PLSCR1: variants seen among roughly 807,000 people sequenced by gnomAD.
The protein encoded by PLSCR1 is phospholipid scramblase 1, also known as PL scramblase 1.
In PLSCR1, 17 loss-of-function variants were observed where a neutral mutation model predicts 37.8. The observed-to-expected ratio is 0.45, with a 90% CI of 0.31 to 0.68. The LOEUF (loss-of-function observed/expected upper bound fraction) is 0.68, where lower values mean the gene tolerates loss of function less well. Ranked by LOEUF, PLSCR1 falls within the 30% of genes least tolerant of loss-of-function variation. PLSCR1 has a pLI of 0.06. For missense variants in PLSCR1, 347 were observed against 380.9 expected, an observed-to-expected ratio of 0.91 and a Z score of 0.74; for synonymous variants, 116 against 125.9, an observed-to-expected ratio of 0.92 and a Z score of 0.53.
intron 8 of PLSCR1, 82 bp from the exon 9 acceptor site, chr3:146,516,183 C>A: frequency 1.3e-6 from 1 of 782,980 alleles, no homozygotes; most frequent in Non-Finnish European, 2.2e-6. Context: ...ACTAAGGGAT[C>A]TAGTGAAACA....
chr3:146,543,932 C>G (rs140171421), intron 1 of PLSCR1, among the ~76,000 whole-genome samples: 4,184 of 152,170 alleles, frequency 0.027, 85 homozygotes, highest in Middle Eastern at 0.095. Flanking sequence ...CCGCCACTAT[C>G]TTTCCTAAGC....
Position 146,528,756 on chromosome 3 carries a change from C to A in PLSCR1, c.170G>T (p.Gly57Val). The A allele has an allele frequency of 6.2e-7, 1 of 1,614,164 alleles. No individual in the cohort carries two copies. The highest frequency in any genetic ancestry group is 1.3e-5 in the African/African-American group (1 of 75,040). ...ATTTGGGACAGGAAAGCCAGCTGGG[C>A]CAGGACCTGAATGGCCGGCTGGTGG... is the stretch of plus-strand genomic sequence containing the variant. ...PPPPAGHSGP[G>V]PAGFPVPNQP... is the part of the protein sequence containing the mutation. The change falls in exon 4 of 9, where the codon GGC becomes GTC. Residue 57 changes from glycine to valine, a missense_variant. Gly to Val is a moderately radical substitution (Grantham distance 109, BLOSUM62 -3). Coordinates refer to ENST00000342435, the MANE Select transcript of PLSCR1 (RefSeq NM_021105.3).
chr3:146,520,971 A>C (rs763914073), intron 7 of PLSCR1, among the ~76,000 whole-genome samples: 2 of 152,222 alleles, frequency 1.3e-5, no homozygotes, highest in Non-Finnish European at 2.9e-5. Flanking sequence ...TCTACAATGT[A>C]TTACAGTAAA....
rs780868203 is a variant in PLSCR1 at position 146,533,542 on chromosome 3, T to C, written c.22A>G (p.Met8Val). MDKQNSQ[M>V]NASHPETNLP... ...TTTGTTTCCGGGTGAGAAGCATTCA[T>C]CTGTGAGTCTGCAATTCAAGGAGAG... Residue 8 changes from methionine (M) to valine (V), a missense_variant, in exon 3 of 9, where the codon ATG becomes GTG. Physicochemically the swap from Met to Val is conservative, Grantham distance 21. Transcript: ENST00000342435. 3 of 1,598,358 alleles carry C rather than the reference T, an allele frequency of 1.9e-6. No individual in the cohort carries two copies. In the East Asian group the frequency reaches 6.7e-5, roughly 36 times the overall value.
At chr3:146,539,267 C>G (rs970347358) in intron 1 of PLSCR1, among the ~76,000 whole-genome samples, 2 of 152,150 alleles carry the variant, frequency 1.3e-5, no homozygotes, top group Non-Finnish European at 2.9e-5. Flanking sequence ...AGGGTTCTTG[C>G]TCCTATGAGA....
intron 4 of PLSCR1, among the ~76,000 whole-genome samples, chr3:146,527,713 A>G (rs1045225366): frequency 1.1e-4 from 17 of 152,218 alleles, no homozygotes; most frequent in African/African-American, 3.9e-4. Context: ...AAAAATTCCT[A>G]TGATTATGCC....
At chr3:146,521,106 A>C (rs1576781510) in intron 7 of PLSCR1, among the ~76,000 whole-genome samples, 1 of 152,244 alleles carries the variant, frequency 6.6e-6, no homozygotes, top group East Asian at 1.9e-4. Flanking sequence ...ATCTTTGCAT[A>C]ATTGGGCTTC....
intron 7 of PLSCR1, among the ~76,000 whole-genome samples, chr3:146,520,699 A>G (rs1041613221): frequency 6.6e-6 from 1 of 152,110 alleles, no homozygotes; most frequent in African/African-American, 2.4e-5. Context: ...ATGACACTGG[A>G]TATTGAAAAA....
rs992573908 is a variant in PLSCR1, at chr3:146,544,456, C to G, written c.-14+11G>C. The G allele has an allele frequency of 6.6e-6, 1 of 152,462 alleles. No individual in the cohort carries two copies. Among genetic ancestry groups the G allele is most frequent in the African/African-American group, 2.4e-5 (1 of 41,452 alleles). The allele number at this position is 152,462 out of a possible 1,614,324, so 9.4% of individuals were successfully genotyped here. ...GTCCCCAGGAGGCGGCAGAGAAAGC[C>G]GCCCGCGCACCTCTGGCTGCCGCTG... On this transcript the variant is annotated intron_variant, in intron 1 of 8. Coordinates refer to ENST00000342435, the MANE Select transcript of PLSCR1 (RefSeq NM_021105.3).
intron 1 of PLSCR1, among the ~76,000 whole-genome samples, chr3:146,539,059 C>A (rs992744079): frequency 2.6e-5 from 4 of 152,066 alleles, no homozygotes; most frequent in Non-Finnish European, 5.9e-5. Context: ...CACTTTATTT[C>A]TATTATTATT....
At chr3:146,534,414 A>G (rs547105886) in intron 2 of PLSCR1, among the ~76,000 whole-genome samples, 5 of 152,292 alleles carry the variant, frequency 3.3e-5, no homozygotes, top group South Asian at 4.1e-4. Flanking sequence ...TTTTAGAATC[A>G]TGGAGACATG....
chr3:146,533,670 A>G, intron 2 of PLSCR1, 120 bp from the exon 3 acceptor site: 1 of 508,524 alleles, frequency 2.0e-6, no homozygotes, highest in Non-Finnish European at 3.3e-6. Context: ...TGAAATAGGG[A>G]AAGTAAAATT....
intron 7 of PLSCR1, among the ~76,000 whole-genome samples, chr3:146,519,649 CAA>C (rs1461660588): frequency 6.6e-6 from 1 of 152,064 alleles, no homozygotes; most frequent in African/African-American, 2.4e-5. Flanking sequence ...GACCTTAATT[CAA>C]GTCATTAACT....
At chr3:146,537,740 T>C (rs953756353) in intron 1 of PLSCR1, among the ~76,000 whole-genome samples, 1 of 152,046 alleles carries the variant, frequency 6.6e-6, no homozygotes, top group South Asian at 2.1e-4. Context: ...CATGGTGGCA[T>C]GCGCTTGTAG....
At chr3:146,526,259 A>G (rs986313103) in intron 4 of PLSCR1, among the ~76,000 whole-genome samples, 4 of 151,932 alleles carry the variant, frequency 2.6e-5, no homozygotes, top group African/African-American at 4.8e-5. Context: ...AAGTTTATGA[A>G]AAAATGCTCA....
At chr3:146,525,556 A>G in intron 5 of PLSCR1, 49 bp downstream of exon 5, 2 of 970,082 alleles carry the variant, frequency 2.1e-6, no homozygotes, top group Non-Finnish European at 3.3e-6. Context: ...CTTTATCTGC[A>G]TAAACTTCTA....
intron 7 of PLSCR1, among the ~76,000 whole-genome samples, chr3:146,517,830 C>A (rs1024702904): frequency 1.3e-5 from 2 of 152,042 alleles, no homozygotes; most frequent in African/African-American, 4.8e-5. Flanking sequence ...TGAGGAAAGC[C>A]CAGGGCCATC....
intron 1 of PLSCR1, among the ~76,000 whole-genome samples, chr3:146,543,810 A>G (rs2044368510): frequency 6.6e-6 from 1 of 152,224 alleles, no homozygotes; most frequent in South Asian, 2.1e-4. Context: ...CAATGGAAAG[A>G]ACATATATAA....
chr3:146,536,911 C>G (rs1457413732), intron 1 of PLSCR1: 1 of 196,700 alleles, frequency 5.1e-6, no homozygotes, highest in African/African-American at 2.3e-5. Flanking sequence ...ACAACTTGAA[C>G]AATCTAAAGG....
Sources: allele counts gnomAD v4.1 joint callset (sites outside exome capture counted in the v4.1 genomes callset), GRCh38; gene constraint gnomAD v4.1.1; transcripts MANE v1.5; gene names NCBI Gene and HGNC (gene_info 2026-07-23, HGNC 2026-07-21).